CKAP5: variants seen among roughly 807,000 people sequenced by gnomAD.
CKAP5 encodes the protein cytoskeleton-associated protein 5.
In CKAP5, 27 loss-of-function variants were observed where a neutral mutation model predicts 232.8. The ratio of observed to expected loss-of-function variants is 0.12; its 90% CI spans 0.09 to 0.16. The LOEUF (loss-of-function observed/expected upper bound fraction) is 0.16. CKAP5 is among the 10% of genes least tolerant of loss of function. The probability of loss-of-function intolerance (pLI) is 1.00; values close to 1 mark genes in which losing one functional copy is unlikely to be tolerated. For missense variants in CKAP5, 1,838 were observed against 2,424.7 expected (o/e 0.76, Z 5.08); for synonymous variants, 785 against 841.1 (o/e 0.93, Z 1.16).
At chr11:46,782,739 C>T (rs926351889) in intron 18 of CKAP5, among the ~76,000 whole-genome samples, 1 of 152,114 alleles carries the variant, frequency 6.6e-6, no homozygotes, top group African/African-American at 2.4e-5. Flanking sequence ...AATATAATAC[C>T]TCGCTTAGTT....
At chr11:46,826,090 C>G (rs925694977) in intron 1 of CKAP5, among the ~76,000 whole-genome samples, 1 of 152,192 alleles carries the variant, frequency 6.6e-6, no homozygotes, top group Non-Finnish European at 1.5e-5. Context: ...AGCAGATTAT[C>G]TCAAACTTTG....
At position 46,804,560 on chromosome 11, in the gene CKAP5, A is replaced by G. The variant is rs532042376; in HGVS notation, c.979-3256T>C. Among the ~76,000 whole-genome samples the G allele has an allele frequency of 1.9e-4, 29 of 152,352 alleles. 1 individual carries two copies. Among genetic ancestry groups the G allele is most frequent in the Admixed American group, 1.7e-3 (26 of 15,296 alleles). On this transcript the variant is annotated intron_variant, in intron 8 of 43. Transcript: ENST00000529230. Reference sequence around the variant, plus strand: ...ACTTTTCTCATAAATTGAGGCCTACAGTATTAAAACAAAGTGCTTTAAAGT... The same window carrying G: ...ACTTTTCTCATAAATTGAGGCCTACGGTATTAAAACAAAGTGCTTTAAAGT...
intron 13 of CKAP5, among the ~76,000 whole-genome samples, chr11:46,792,115 A>G (rs1210571788): frequency 1.3e-5 from 2 of 152,224 alleles, no homozygotes; most frequent in African/African-American, 4.8e-5. Context: ...AAAATGGAAA[A>G]TTCTGTACTC....
chr11:46,821,693 G>A (rs1322513002), intron 1 of CKAP5, among the ~76,000 whole-genome samples: 1 of 151,902 alleles, frequency 6.6e-6, no homozygotes, highest in Non-Finnish European at 1.5e-5. Context: ...AAAGTGCTGG[G>A]ATTACAGGCG....
intron 32 of CKAP5, among the ~76,000 whole-genome samples, chr11:46,761,251 A>AC: frequency 1.3e-5 from 2 of 149,904 alleles, no homozygotes; most frequent in South Asian, 4.2e-4. Flanking sequence ...CCTGTCTCAA[A>AC]AAAAAAAAAA....
chr11:46,798,068 A>G lies in CKAP5; in HGVS notation c.1173+15T>C, dbSNP rs757334142. ...TTACTTCAGATAAAACTACAAACTC[A>G]TGCTGTCAACTTACAGTAAGGAAGA... On this transcript the variant is annotated intron_variant, in intron 10 of 43. Coordinates refer to ENST00000529230, the MANE Select transcript of CKAP5 (RefSeq NM_001008938.4). The G allele has an allele frequency of 5.6e-6, 9 of 1,611,998 alleles. No homozygotes were observed. The Admixed American group carries it at 1.2e-4, about 21-fold the overall frequency.
At chr11:46,844,026 G>T (rs11039007) in intron 1 of CKAP5, among the ~76,000 whole-genome samples, 1 of 152,034 alleles carries the variant, frequency 6.6e-6, no homozygotes, top group Non-Finnish European at 1.5e-5. Context: ...TTCGAGACCA[G>T]CCTGGCCAAC....
At chr11:46,791,425 T>C (rs1592460444) in intron 13 of CKAP5, among the ~76,000 whole-genome samples, 1 of 152,000 alleles carries the variant, frequency 6.6e-6, no homozygotes, top group East Asian at 1.9e-4. Flanking sequence ...ACACCTGTAA[T>C]CCCAGCACTC....
At chr11:46,755,714 A>C (rs1334157591) in intron 35 of CKAP5, among the ~76,000 whole-genome samples, 3 of 151,714 alleles carry the variant, frequency 2.0e-5, no homozygotes, top group African/African-American at 7.3e-5. Context: ...GAGTCACTTG[A>C]GGTCACGAGT....
At chr11:46,762,485 C>T (rs1178875912) in intron 31 of CKAP5, 142 bp downstream of exon 31, 4 of 1,063,448 alleles carry the variant, frequency 3.8e-6, no homozygotes, top group African/African-American at 1.6e-5. Flanking sequence ...CAGTGTGCAA[C>T]TCATCACTCT....
chr11:46,763,528 G>C lies in CKAP5; in HGVS notation c.3640C>G (p.His1214Asp). 1 of 1,604,492 alleles carries C rather than the reference G, an allele frequency of 6.2e-7. No homozygotes were observed. The highest frequency in any genetic ancestry group is 2.2e-5 in the East Asian group (1 of 44,476). ...TTGTTATGATGCTGAAAGTCTGAGT[G>C]AAACATCTCATCTTGTAACCATTTA... ...VAKWLQDEMF[H>D]SDFQHHNKAL... is the part of the protein sequence containing the mutation. The change falls in exon 29 of 44, where the codon CAC becomes GAC. Residue 1214 changes from histidine (H) to aspartate (D), a missense_variant. Physicochemically the swap from His to Asp is moderately conservative, Grantham distance 81. Around this residue, in one of 6 missense-constraint regions of CKAP5, gnomAD observed 767 missense variants for 954.6 expected, o/e 0.80. Coordinates refer to ENST00000529230, the MANE Select transcript of CKAP5 (RefSeq NM_001008938.4).
At position 46,750,778 on chromosome 11, in the gene CKAP5, T is replaced by G. The variant is rs148984596; in HGVS notation, c.5461-167A>C. Among the ~76,000 whole-genome samples, 20 of 152,332 alleles carry G rather than the reference T, an allele frequency of 1.3e-4. No individual in the cohort carries two copies. The East Asian group carries it at 3.9e-3, about 29-fold the overall frequency. ...AGGTCTTGCAGCAGAAGCACTAACA[T>G]TCTGTGTTACTGAATGCCTCCAGTC... On this transcript the variant is annotated intron_variant, in intron 40 of 43. Coordinates refer to ENST00000529230, the MANE Select transcript of CKAP5 (RefSeq NM_001008938.4).
chr11:46,816,271 G>T lies in CKAP5; in HGVS notation c.385C>A (p.Leu129Ile). Residue 129 changes from leucine to isoleucine, a missense_variant, in exon 4 of 44, where the codon CTC becomes ATC. Around this residue, in one of 6 missense-constraint regions of CKAP5, gnomAD observed 285 missense variants for 300.0 expected, o/e 0.95. Transcript: ENST00000529230. ...IEKGEAVQEE[L>I]LKGLDNKNPK... ...TTCTTATTGTCCAAGCCTTTCAGGA[G>T]CTCTTCTTGAACAGCCTCTCCTTTC... The T allele has an allele frequency of 6.2e-7, 1 of 1,614,110 alleles. No homozygotes were observed. The highest frequency in any genetic ancestry group is 8.5e-7 in the Non-Finnish European group (1 of 1,179,994).
intron 24 of CKAP5, among the ~76,000 whole-genome samples, chr11:46,774,784 C>T (rs1400392506): frequency 1.3e-5 from 2 of 152,128 alleles, no homozygotes; most frequent in Non-Finnish European, 2.9e-5. Flanking sequence ...ACTGGTTAGC[C>T]ATATGCAGAA....
intron 8 of CKAP5, among the ~76,000 whole-genome samples, chr11:46,806,723 T>C (rs7111760): frequency 0.15 from 22,599 of 152,156 alleles, 2,555 homozygotes; most frequent in African/African-American, 0.32. Flanking sequence ...GAATCCATAT[T>C]TGCAAATTCA....
chr11:46,844,541 C>T (rs964448490), intron 1 of CKAP5, among the ~76,000 whole-genome samples: 1 of 152,204 alleles, frequency 6.6e-6, no homozygotes, highest in African/African-American at 2.4e-5. Flanking sequence ...TAATTCAAAA[C>T]TGATCAAGAC....
chr11:46,758,754 C>A, intron 35 of CKAP5, 169 bp downstream of exon 35: 3 of 658,400 alleles, frequency 4.6e-6, no homozygotes, highest in Non-Finnish European at 7.3e-6. Context: ...AGAGTCACAT[C>A]CTCTGAGGCA....
chr11:46,841,503 A>G (rs578238980), intron 1 of CKAP5, among the ~76,000 whole-genome samples: 78 of 152,294 alleles, frequency 5.1e-4, no homozygotes, highest in Middle Eastern at 3.4e-3. Context: ...ACAGACACAT[A>G]TGGTTTGGGA....
intron 42 of CKAP5, among the ~76,000 whole-genome samples, chr11:46,746,899 G>A (rs1206869626): frequency 6.6e-6 from 1 of 152,214 alleles, no homozygotes; most frequent in Admixed American, 6.5e-5. Context: ...GGCTGAGGTG[G>A]GGGGATCACT....
Sources: allele counts gnomAD v4.1 joint callset (sites outside exome capture counted in the v4.1 genomes callset), GRCh38; gene constraint gnomAD v4.1.1; regional missense constraint gnomAD v4.1.1; transcripts MANE v1.5; gene names NCBI Gene and HGNC (gene_info 2026-07-23, HGNC 2026-07-21).